Variants in NYAP2 observed in about 807,000 individuals in gnomAD.
The protein encoded by NYAP2 is neuronal tyrosine-phosphorylated phosphoinositide-3-kinase adaptor 2, also known as neuronal tyrosine-phosphorylated phosphoinositide-3-kinase adapter 2.
Under a neutral mutation model 50.4 loss-of-function variants are expected in NYAP2, and 23 were observed. That is an observed-to-expected ratio of 0.46 (90% CI 0.33 to 0.65). NYAP2 has a LOEUF of 0.65. NYAP2 is among the 30% of genes least tolerant of loss of function. The pLI, the probability that NYAP2 is intolerant of heterozygous loss-of-function variation, is 0.02. For missense variants in NYAP2, 885 were observed against 861.0 expected, an observed-to-expected ratio of 1.03 and a Z score of -0.35; for synonymous variants, 394 against 365.2, an observed-to-expected ratio of 1.08 and a Z score of -0.90.
intron 3 of NYAP2, among the ~76,000 whole-genome samples, chr2:225,489,726 G>A (rs563621556): frequency 6.6e-6 from 1 of 152,242 alleles, no homozygotes; most frequent in South Asian, 2.1e-4. Context: ...TTCTGAAAAC[G>A]GGGGTTGAAC....
Position 225,521,105 on chromosome 2 carries a change from A to G in NYAP2, c.523+7433A>G, listed in dbSNP as rs1691047717. Among the ~76,000 whole-genome samples the G allele has an allele frequency of 1.4e-5, 2 of 145,968 alleles. 1 individual carries two copies. The highest frequency in any genetic ancestry group is 1.4e-4 in the Admixed American group (2 of 14,764). ...TTCTTGGTGTATAAGAATGCTTGTG[A>G]TTTTTGTACATTGATTTTGTATCCT... On this transcript the variant is annotated intron_variant, in intron 4 of 6. Coordinates refer to ENST00000636099, the Ensembl canonical transcript of NYAP2.
At chr2:225,408,003 T>A (rs1395006943) in intron 2 of NYAP2, among the ~76,000 whole-genome samples, 1 of 151,774 alleles carries the variant, frequency 6.6e-6, no homozygotes, top group Non-Finnish European at 1.5e-5. Context: ...TCATCTCTCA[T>A]AATCTTCACA....
chr2:225,587,233 T>C (rs1409248884), intron 5 of NYAP2, among the ~76,000 whole-genome samples: 1 of 152,134 alleles, frequency 6.6e-6, no homozygotes, highest in Non-Finnish European at 1.5e-5. Context: ...GTATTCAACA[T>C]AGATGAGCAA....
chr2:225,689,486 C>A, the NYAP2 span, among the ~76,000 whole-genome samples: 3 of 151,916 alleles, frequency 2.0e-5, no homozygotes, highest in African/African-American at 4.8e-5. Flanking sequence ...ATTTTTAGAT[C>A]TAGAAAAAGA....
intron 6 of NYAP2, among the ~76,000 whole-genome samples, chr2:225,641,736 C>G (rs977870934): frequency 6.6e-6 from 1 of 151,984 alleles, no homozygotes; most frequent in African/African-American, 2.4e-5. Flanking sequence ...TTGCTTGAAC[C>G]AGGACCCGGG....
intron 3 of NYAP2, among the ~76,000 whole-genome samples, chr2:225,496,909 T>A (rs1006775919): frequency 6.6e-6 from 1 of 152,122 alleles, no homozygotes; most frequent in South Asian, 2.1e-4. Flanking sequence ...TCCATTGTAA[T>A]GGAGAATTTT....
At chr2:225,555,168 A>G (rs1457247439) in intron 4 of NYAP2, among the ~76,000 whole-genome samples, 3 of 152,104 alleles carry the variant, frequency 2.0e-5, no homozygotes, top group Non-Finnish European at 4.4e-5. Context: ...TCCCAGAAGG[A>G]TTTGTGTTTT....
At chr2:225,609,467 G>T (rs1008184574) in intron 5 of NYAP2, among the ~76,000 whole-genome samples, 1 of 152,092 alleles carries the variant, frequency 6.6e-6, no homozygotes, top group Non-Finnish European at 1.5e-5. Context: ...CTTTTCGTAG[G>T]ACAAACTCAA....
chr2:225,563,082 T>C (rs1205423910), intron 4 of NYAP2, among the ~76,000 whole-genome samples: 1 of 152,106 alleles, frequency 6.6e-6, no homozygotes, highest in Non-Finnish European at 1.5e-5. Flanking sequence ...TTGCAAAAGA[T>C]TCTAATTTTA....
chr2:225,537,962 C>T (rs2106201373), intron 4 of NYAP2, among the ~76,000 whole-genome samples: 1 of 152,318 alleles, frequency 6.6e-6, no homozygotes, highest in South Asian at 2.1e-4. Flanking sequence ...AGTCCAAAAT[C>T]CAGTGGGGCA....
chr2:225,403,112 A>C (rs1469917132), intron 2 of NYAP2, among the ~76,000 whole-genome samples: 1 of 151,956 alleles, frequency 6.6e-6, no homozygotes, highest in Non-Finnish European at 1.5e-5. Flanking sequence ...AAAACAACAA[A>C]AAATAGTCAA....
rs1471342928 is a variant in NYAP2 at position 225,402,928 on chromosome 2, GATGATTTGGTCCT to G, written c.-18+1889_-18+1901del. 8.5e-5 allele frequency among the ~76,000 whole-genome samples: 13 copies of G among 152,128 alleles called. No individual in the cohort carries two copies. The South Asian group carries it at 2.5e-3, about 29-fold the overall frequency. On this transcript the variant is annotated intron_variant, in intron 2 of 6. Transcript: ENST00000636099. ...TTATGGGTTATAACCAGGCTAGTCT[GATGATTTGGTCCT>G]ATGTGAAGTCAGCAAATTTTAAATA...
intron 4 of NYAP2, among the ~76,000 whole-genome samples, chr2:225,558,749 G>T (rs1691818606): frequency 6.6e-6 from 1 of 152,094 alleles, no homozygotes; most frequent in Non-Finnish European, 1.5e-5. Flanking sequence ...ATCTTCCATA[G>T]CTTCTCTTTA....
intron 3 of NYAP2, among the ~76,000 whole-genome samples, chr2:225,467,866 G>C (rs1476239416): frequency 1.3e-5 from 2 of 152,114 alleles, no homozygotes; most frequent in Non-Finnish European, 2.9e-5. Flanking sequence ...CAAATACTTA[G>C]TGAGTTCCTA....
the NYAP2 span, among the ~76,000 whole-genome samples, chr2:225,689,330 C>T: frequency 6.6e-6 from 1 of 152,184 alleles, no homozygotes; most frequent in South Asian, 2.1e-4. Context: ...ACTTTTAAAT[C>T]TTCTTGATGA....
chr2:225,572,063 A>G (rs1342580235), intron 4 of NYAP2, among the ~76,000 whole-genome samples: 1 of 152,212 alleles, frequency 6.6e-6, no homozygotes, highest in African/African-American at 2.4e-5. Context: ...GAAGTTCCTC[A>G]TCTCCAACTG....
intron 4 of NYAP2, among the ~76,000 whole-genome samples, chr2:225,572,921 T>C (rs1692100931): frequency 6.6e-6 from 1 of 152,140 alleles, no homozygotes; most frequent in Non-Finnish European, 1.5e-5. Flanking sequence ...TTCCTTTATA[T>C]ATATATTAAT....
the NYAP2 span, among the ~76,000 whole-genome samples, chr2:225,696,177 C>T: frequency 6.6e-6 from 1 of 151,832 alleles, no homozygotes; most frequent in Non-Finnish European, 1.5e-5. Flanking sequence ...GTCAGACAGA[C>T]CTGAGTTTGA....
At chr2:225,690,194 G>A in the NYAP2 span, among the ~76,000 whole-genome samples, 1 of 152,020 alleles carries the variant, frequency 6.6e-6, no homozygotes, top group African/African-American at 2.4e-5. Context: ...ATATTCTGAG[G>A]AGTAGTGTTG....
Sources: allele counts gnomAD v4.1 joint callset (sites outside exome capture counted in the v4.1 genomes callset), GRCh38; gene constraint gnomAD v4.1.1; transcripts MANE v1.5; gene names NCBI Gene and HGNC (gene_info 2026-07-23, HGNC 2026-07-21).